The following TENM1 variants were observed in gnomAD, a reference collection of about 807,000 sequenced individuals.
The protein encoded by TENM1 is teneurin transmembrane protein 1, also known as teneurin-1.
In TENM1, 35 loss-of-function variants were observed where a neutral mutation model predicts 174.8. The ratio of observed to expected loss-of-function variants is 0.20; its 90% CI spans 0.15 to 0.27. TENM1 has a LOEUF of 0.27. Ranked by LOEUF, TENM1 falls within the 10% of genes least tolerant of loss-of-function variation. TENM1 has a pLI of 1.00. For synonymous variants in TENM1, 781 were observed against 798.7 expected (o/e 0.98, Z 0.37); for missense variants, 1,633 against 2,130.1 (o/e 0.77, Z 4.59).
chrX:124,807,261 G>A (rs2147254210), intron 3 of TENM1, among the ~76,000 whole-genome samples: 1 of 111,887 alleles, frequency 8.9e-6, no homozygotes, highest in East Asian at 2.8e-4. Flanking sequence ...ATGAGATTTG[G>A]AGGGGACAAA....
chrX:124,436,917 T>C (rs2147793441), intron 23 of TENM1, among the ~76,000 whole-genome samples: 1 of 103,680 alleles, frequency 9.6e-6, no homozygotes, highest in African/African-American at 3.5e-5. Flanking sequence ...GAATGTACTT[T>C]CTGTTTTTCT....
the TENM1 span, among the ~76,000 whole-genome samples, chrX:125,145,160 C>T: frequency 1.8e-5 from 2 of 111,786 alleles, no homozygotes; most frequent in East Asian, 5.6e-4. Flanking sequence ...CCCCATCTCC[C>T]ACAGAAAATC....
At chrX:124,834,332 C>A (rs113418663) in intron 3 of TENM1, among the ~76,000 whole-genome samples, 4 of 111,053 alleles carry the variant, frequency 3.6e-5, no homozygotes, top group Non-Finnish European at 7.5e-5. Context: ...CCACCACGCC[C>A]GGCTAATTTT....
At chrX:124,609,141 C>T (rs765953881) in intron 11 of TENM1, among the ~76,000 whole-genome samples, 21 of 111,397 alleles carry the variant, frequency 1.9e-4, no homozygotes, top group African/African-American at 3.3e-4. Context: ...GGCCAACACA[C>T]AGGGGGTTTT....
At chrX:124,910,305 A>T (rs1177372050) in intron 1 of TENM1, among the ~76,000 whole-genome samples, 1 of 112,316 alleles carries the variant, frequency 8.9e-6, no homozygotes, top group African/African-American at 3.2e-5. Context: ...TGCCCCAAAC[A>T]CTTAATCTGA....
intron 15 of TENM1, among the ~76,000 whole-genome samples, chrX:124,544,432 T>C (rs1008403580): frequency 8.9e-6 from 1 of 112,191 alleles, no homozygotes; most frequent in South Asian, 3.7e-4. Context: ...GTACCTACCA[T>C]ATAGAGTTTT....
the TENM1 span, among the ~76,000 whole-genome samples, chrX:125,095,677 G>A: frequency 3.3e-4 from 37 of 111,342 alleles, no homozygotes; most frequent in African/African-American, 1.2e-3. Context: ...CAAATATACC[G>A]AAACCATACA....
At chrX:124,735,234 TAAAC>T (rs1330429488) in intron 4 of TENM1, among the ~76,000 whole-genome samples, 4 of 111,614 alleles carry the variant, frequency 3.6e-5, no homozygotes, top group African/African-American at 9.8e-5. Context: ...ACAAGGAACT[TAAAC>T]AAATCAACAA....
chrX:124,408,287 CGA>C (rs150003327), intron 25 of TENM1, among the ~76,000 whole-genome samples: 18,177 of 110,432 alleles, frequency 0.16, 1,170 homozygotes, highest in Middle Eastern at 0.22. Context: ...GGATTACAAA[CGA>C]GTACCACTAC....
intron 11 of TENM1, among the ~76,000 whole-genome samples, chrX:124,596,190 C>T (rs1208496345): frequency 9.4e-6 from 1 of 106,398 alleles, no homozygotes; most frequent in African/African-American, 3.5e-5. Context: ...AATCAGATTG[C>T]TCTGATGGCT....
chrX:124,593,416 T>C (rs1472080236), intron 11 of TENM1, among the ~76,000 whole-genome samples: 1 of 111,551 alleles, frequency 9.0e-6, no homozygotes, highest in Non-Finnish European at 1.9e-5. Context: ...GGCAAACAGT[T>C]GCTTTGAATG....
chrX:125,182,928 A>G, the TENM1 span, among the ~76,000 whole-genome samples: 1 of 112,291 alleles, frequency 8.9e-6, no homozygotes, highest in African/African-American at 3.2e-5. Context: ...TTAAAAATCA[A>G]TTTAAAATAG....
At chrX:125,182,859 A>G in the TENM1 span, among the ~76,000 whole-genome samples, 6 of 112,027 alleles carry the variant, frequency 5.4e-5, no homozygotes, top group African/African-American at 1.9e-4. Context: ...AGAGCTGTAC[A>G]TATCTTGAAA....
chrX:124,654,304 C>CTT (rs2051383093), intron 6 of TENM1, among the ~76,000 whole-genome samples: 1 of 112,448 alleles, frequency 8.9e-6, no homozygotes, highest in Non-Finnish European at 1.9e-5. Context: ...ACATATTTTA[C>CTT]TTATTTATTG....
intron 18 of TENM1, among the ~76,000 whole-genome samples, chrX:124,515,542 C>T (rs192396988): frequency 7.2e-5 from 8 of 111,333 alleles, no homozygotes; most frequent in African/African-American, 2.6e-4. Context: ...CATTCCTATA[C>T]ACCACCAACA....
chrX:125,038,121 T>C, the TENM1 span, among the ~76,000 whole-genome samples: 3 of 111,549 alleles, frequency 2.7e-5, no homozygotes, highest in Admixed American at 2.9e-4. Flanking sequence ...CAGTAGATCA[T>C]TGCTATAAGT....
intron 3 of TENM1, among the ~76,000 whole-genome samples, chrX:124,764,736 C>T (rs2090239900): frequency 9.3e-6 from 1 of 107,578 alleles, no homozygotes; most frequent in Non-Finnish European, 1.9e-5. Flanking sequence ...AATACGTACA[C>T]ATGTAGATTG....
chrX:124,382,587 C>A, intron 31 of TENM1, 83 bp downstream of exon 34: 1 of 929,729 alleles, frequency 1.1e-6, no homozygotes. Flanking sequence ...AATCAGTAAG[C>A]AAACATATGT....
At chrX:125,010,809 G>A in the TENM1 span, among the ~76,000 whole-genome samples, 271 of 85,640 alleles carry the variant, frequency 3.2e-3, no homozygotes, top group African/African-American at 0.013. Flanking sequence ...GCAAGACTCC[G>A]TCTAAAAAAA....
Sources: allele counts gnomAD v4.1 joint callset (sites outside exome capture counted in the v4.1 genomes callset), GRCh38; gene constraint gnomAD v4.1.1; transcripts MANE v1.5; gene names NCBI Gene and HGNC (gene_info 2026-07-23, HGNC 2026-07-21).